GSE1: variants seen among roughly 807,000 people sequenced by gnomAD.
GSE1 encodes genetic suppressor element 1.
In GSE1, 32 loss-of-function variants were observed where a neutral mutation model predicts 112.6. The observed-to-expected ratio is 0.28, with a 90% CI of 0.21 to 0.38. The LOEUF is 0.38. Ranked by LOEUF, GSE1 falls within the 10% of genes least tolerant of loss-of-function variation. GSE1 has a pLI of 1.00. For synonymous variants in GSE1, 1,115 were observed against 735.6 expected (o/e 1.52, Z -8.35); for missense variants, 2,348 against 1,699.2 (o/e 1.38, Z -6.71).
intron 1 of GSE1, among the ~76,000 whole-genome samples, chr16:85,234,416 A>C (rs756049296): frequency 6.6e-6 from 1 of 152,174 alleles, no homozygotes; most frequent in Non-Finnish European, 1.5e-5. Flanking sequence ...GTGAGTGAGC[A>C]CAGGGACCGC....
chr16:85,443,029 C>T (rs1175103471), intron 2 of GSE1, among the ~76,000 whole-genome samples: 1 of 152,236 alleles, frequency 6.6e-6, no homozygotes. Context: ...CTTTTAAGGA[C>T]ACCTGTCATT....
intron 2 of GSE1, among the ~76,000 whole-genome samples, chr16:85,388,042 G>T (rs2047729991): frequency 6.8e-6 from 1 of 146,492 alleles, no homozygotes; most frequent in African/African-American, 2.5e-5. Flanking sequence ...ATGAACAGAT[G>T]GATGGGTGGG....
chr16:85,184,852 C>T (rs899235139), intron 1 of GSE1, among the ~76,000 whole-genome samples: 6 of 152,100 alleles, frequency 3.9e-5, no homozygotes, highest in South Asian at 2.1e-4. Flanking sequence ...TTTAAGTGTA[C>T]GCTCTTGAAG....
chr16:85,663,786 C>T (rs1045898628), intron 11 of GSE1, among the ~76,000 whole-genome samples, 172 bp downstream of exon 11: 5 of 152,216 alleles, frequency 3.3e-5, no homozygotes, highest in African/African-American at 7.2e-5. Context: ...ACAAGCCCTC[C>T]ATAGCAGCCT....
At chr16:85,566,733 TCCTCG>T (rs2045765133) in intron 1 of GSE1, among the ~76,000 whole-genome samples, 1 of 152,196 alleles carries the variant, frequency 6.6e-6, no homozygotes, top group Non-Finnish European at 1.5e-5. Context: ...CTTTCAGACC[TCCTCG>T]CTGGTCCTAA....
intron 1 of GSE1, among the ~76,000 whole-genome samples, chr16:85,212,405 C>G (rs926672823): frequency 6.6e-6 from 1 of 150,848 alleles, no homozygotes; most frequent in Non-Finnish European, 1.5e-5. Flanking sequence ...GACTAGGTCT[C>G]AAAAAAAACA....
At chr16:85,263,102 G>C (rs544703479) in intron 1 of GSE1, among the ~76,000 whole-genome samples, 1 of 152,204 alleles carries the variant, frequency 6.6e-6, no homozygotes, top group South Asian at 2.1e-4. Flanking sequence ...GCGACGCGTA[G>C]TGATTAGAGG....
chr16:85,599,390 A>T (rs1196604030), intron 1 of GSE1, among the ~76,000 whole-genome samples: 5 of 152,210 alleles, frequency 3.3e-5, no homozygotes, highest in African/African-American at 1.2e-4. Context: ...GACAGGGGCT[A>T]CCTGTGGACA....
At chr16:85,647,336 C>G (rs72801194) in intron 2 of GSE1, among the ~76,000 whole-genome samples, 6,920 of 152,292 alleles carry the variant, frequency 0.045, 225 homozygotes, top group Non-Finnish European at 0.071. Context: ...GGGGTTCTTT[C>G]TGAGGCGACG....
At chr16:85,537,369 C>T (rs917923893) in intron 2 of GSE1, among the ~76,000 whole-genome samples, 19 of 152,178 alleles carry the variant, frequency 1.2e-4, no homozygotes, top group African/African-American at 4.6e-4. Flanking sequence ...ATCTCTGCCC[C>T]GCTCCTGGGA....
At position 85,331,365 on chromosome 16, in the gene GSE1, G is replaced by GTATATATATGTATATATATGTA. The variant is rs1169859492; in HGVS notation, c.2284-26091_2284-26090insATGTATATATATGTATATATAT. The stretch of plus-strand genomic sequence containing the variant: ...TGTGTGTGTGTGTGTGTGTGTGTGT[G>GTATATATATGTATATATATGTA]TATATATGTATATATATGTATATAT... On this transcript the variant is annotated intron_variant, in intron 1 of 2. Transcript: ENST00000637419. Among the ~76,000 whole-genome samples, 111 of 101,122 alleles carry GTATATATATGTATATATATGTA rather than the reference G, an allele frequency of 1.1e-3. 15 individuals are homozygous for GTATATATATGTATATATATGTA. The highest frequency in any genetic ancestry group is 2.9e-3 in the Admixed American group (27 of 9,314). 66.3% of individuals were successfully genotyped at this position (101,122 alleles called of 152,430 possible). A position where few individuals can be genotyped will look rare whatever the true frequency, so the allele number is the denominator to read the frequency against.
At chr16:85,321,808 GAAA>G (rs963642970) in intron 1 of GSE1, among the ~76,000 whole-genome samples, 7 of 149,432 alleles carry the variant, frequency 4.7e-5, no homozygotes, top group Non-Finnish European at 8.9e-5. Flanking sequence ...AAAAAAAAAA[GAAA>G]AAAAAGTTCT....
At chr16:85,484,245 C>T (rs1264773628) in intron 2 of GSE1, among the ~76,000 whole-genome samples, 1 of 152,216 alleles carries the variant, frequency 6.6e-6, no homozygotes, top group Non-Finnish European at 1.5e-5. Flanking sequence ...TGCCTCTCTG[C>T]CTTTCTCCTC....
At chr16:85,202,758 C>T (rs929305431) in intron 1 of GSE1, among the ~76,000 whole-genome samples, 2 of 152,244 alleles carry the variant, frequency 1.3e-5, no homozygotes, top group Non-Finnish European at 2.9e-5. Context: ...TCTGTTCTCG[C>T]CTGGAGCCCT....
chr16:85,197,872 C>T (rs760348312), intron 1 of GSE1, among the ~76,000 whole-genome samples: 4 of 152,238 alleles, frequency 2.6e-5, no homozygotes, highest in East Asian at 3.8e-4. Context: ...AGGGTCCCCA[C>T]GGGGCTGTTG....
At chr16:85,256,967 C>CA (rs1180442178) in intron 1 of GSE1, among the ~76,000 whole-genome samples, 2 of 152,240 alleles carry the variant, frequency 1.3e-5, no homozygotes, top group East Asian at 3.9e-4. Flanking sequence ...TTCTTTCTGT[C>CA]ACGATACTTT....
intron 1 of GSE1, among the ~76,000 whole-genome samples, chr16:85,282,462 C>T (rs1357646519): frequency 6.6e-6 from 1 of 152,204 alleles, no homozygotes; most frequent in Non-Finnish European, 1.5e-5. Flanking sequence ...GTTCAGAGTT[C>T]TCATGTGTGT....
intron 1 of GSE1, among the ~76,000 whole-genome samples, chr16:85,193,271 A>T (rs1567601896): frequency 1.3e-5 from 2 of 152,218 alleles, no homozygotes; most frequent in African/African-American, 4.8e-5. Flanking sequence ...GAAAGGAATG[A>T]TAAACACACC....
At chr16:85,449,418 G>C (rs1363131749) in intron 2 of GSE1, among the ~76,000 whole-genome samples, 1 of 152,278 alleles carries the variant, frequency 6.6e-6, no homozygotes, top group East Asian at 1.9e-4. Context: ...CCGCATGGGG[G>C]GCGGGGAAGA....
Sources: gnomAD v4.1 joint callset for allele counts (sites outside exome capture counted in the v4.1 genomes callset) on GRCh38, gnomAD v4.1.1 for gene constraint, MANE v1.5 for transcripts, NCBI Gene and HGNC (gene_info 2026-07-23, HGNC 2026-07-21) for gene names.